Variants in CLVS1 observed in about 807,000 individuals in gnomAD.
CLVS1 encodes clavesin 1, also known as clavesin-1.
Under a neutral mutation model 33.1 loss-of-function variants are expected in CLVS1, and 10 were observed. The ratio of observed to expected loss-of-function variants is 0.30; its 90% CI spans 0.19 to 0.51. The LOEUF (loss-of-function observed/expected upper bound fraction) is 0.51. Ranked by LOEUF, CLVS1 falls within the 20% of genes least tolerant of loss-of-function variation. CLVS1 has a pLI of 0.97. For synonymous variants in CLVS1, 163 were observed against 166.1 expected (o/e 0.98, Z 0.14); for missense variants, 343 against 433.4 (o/e 0.79, Z 1.85).
the CLVS1 span, among the ~76,000 whole-genome samples, chr8:60,991,919 G>A: frequency 9.9e-5 from 15 of 151,936 alleles, no homozygotes; most frequent in African/African-American, 3.4e-4. Flanking sequence ...GCTAATTTTT[G>A]TATTTTTAAG....
intron 1 of CLVS1, among the ~76,000 whole-genome samples, chr8:61,110,178 G>C (rs958175198): frequency 6.6e-6 from 1 of 152,088 alleles, no homozygotes; most frequent in Non-Finnish European, 1.5e-5. Flanking sequence ...CCACCAGTGG[G>C]GTCGGCCTGT....
intron 3 of CLVS1, among the ~76,000 whole-genome samples, chr8:61,404,801 C>G (rs762523483): frequency 2.6e-5 from 4 of 152,172 alleles, no homozygotes; most frequent in Non-Finnish European, 5.9e-5. Context: ...GAATTTGGTA[C>G]TCATCCCTTC....
At chr8:61,426,637 G>T (rs750759678) in intron 3 of CLVS1, among the ~76,000 whole-genome samples, 4 of 152,148 alleles carry the variant, frequency 2.6e-5, no homozygotes, top group Non-Finnish European at 5.9e-5. Context: ...CTTTTGGTCT[G>T]CGGTCCTAGT....
At chr8:61,079,060 C>A (rs1364954693) in intron 1 of CLVS1, among the ~76,000 whole-genome samples, 1 of 152,046 alleles carries the variant, frequency 6.6e-6, no homozygotes, top group Non-Finnish European at 1.5e-5. Flanking sequence ...ACGTCTTTCT[C>A]TGAAAGACGT....
At chr8:61,497,802 C>T (rs916195349) in intron 5 of CLVS1, among the ~76,000 whole-genome samples, 40 of 152,134 alleles carry the variant, frequency 2.6e-4, no homozygotes, top group African/African-American at 6.3e-4. Context: ...CCCATTCTTA[C>T]GGTTATTTCT....
intron 2 of CLVS1, among the ~76,000 whole-genome samples, chr8:61,150,039 C>T (rs1212241832): frequency 6.6e-6 from 1 of 151,554 alleles, no homozygotes; most frequent in East Asian, 1.9e-4. Context: ...GAAAATCCCA[C>T]TTCTGAGTAG....
chr8:61,373,385 C>T (rs1475221854), intron 2 of CLVS1, among the ~76,000 whole-genome samples: 1 of 152,168 alleles, frequency 6.6e-6, no homozygotes, highest in Non-Finnish European at 1.5e-5. Context: ...TACTTTTCTC[C>T]TGGGATCATC....
At chr8:61,232,161 C>T (rs1448133462) in intron 2 of CLVS1, among the ~76,000 whole-genome samples, 5 of 146,738 alleles carry the variant, frequency 3.4e-5, no homozygotes, top group East Asian at 3.9e-4. Flanking sequence ...CAGCCTCCCA[C>T]GTAGCTGGGA....
At chr8:61,348,420 TG>T (rs1215979563) in intron 2 of CLVS1, among the ~76,000 whole-genome samples, 1 of 151,970 alleles carries the variant, frequency 6.6e-6, no homozygotes, top group African/African-American at 2.4e-5. Context: ...ACATGGCACA[TG>T]TATACATATG....
chr8:61,484,629 T>C (rs1401692638), intron 5 of CLVS1, among the ~76,000 whole-genome samples: 11 of 152,212 alleles, frequency 7.2e-5, no homozygotes, highest in Admixed American at 7.2e-4. Flanking sequence ...AGAGACCACA[T>C]TGCCAAGACA....
At chr8:61,014,630 A>G in the CLVS1 span, among the ~76,000 whole-genome samples, 2 of 152,216 alleles carry the variant, frequency 1.3e-5, no homozygotes, top group Non-Finnish European at 2.9e-5. Context: ...CTGATCAGAG[A>G]AAAAAGCGTG....
At chr8:61,058,094 C>A (rs1804512971) in intron 1 of CLVS1, among the ~76,000 whole-genome samples, 2 of 152,168 alleles carry the variant, frequency 1.3e-5, no homozygotes, top group South Asian at 4.1e-4. Context: ...TAGTATATGA[C>A]CAAAGCGTCG....
intron 3 of CLVS1, among the ~76,000 whole-genome samples, chr8:61,417,276 C>T (rs895263456): frequency 2.6e-5 from 4 of 152,238 alleles, no homozygotes; most frequent in Admixed American, 1.3e-4. Context: ...TCCTCCACTC[C>T]GGCCACTTGT....
intron 5 of CLVS1, among the ~76,000 whole-genome samples, chr8:61,460,365 A>T (rs1586006294): frequency 6.6e-6 from 1 of 152,174 alleles, no homozygotes. Flanking sequence ...GAGTGACAAT[A>T]CCAGCCATTT....
intron 2 of CLVS1, among the ~76,000 whole-genome samples, chr8:61,350,881 C>T (rs575591656): frequency 2.0e-5 from 3 of 152,130 alleles, no homozygotes; most frequent in Admixed American, 6.6e-5. Flanking sequence ...GATTATATAC[C>T]GCCACTCTGG....
the CLVS1 span, among the ~76,000 whole-genome samples, chr8:61,000,705 A>G: frequency 6.6e-6 from 1 of 152,298 alleles, no homozygotes; most frequent in Admixed American, 6.5e-5. Context: ...GTAATAACAA[A>G]CCTTGTGGGG....
At chr8:61,483,419 A>G (rs1408269561) in intron 5 of CLVS1, among the ~76,000 whole-genome samples, 1 of 152,240 alleles carries the variant, frequency 6.6e-6, no homozygotes, top group Non-Finnish European at 1.5e-5. Context: ...GAATACACCA[A>G]TAATAGGTTC....
At chr8:61,241,503 T>C (rs1808697482) in intron 2 of CLVS1, among the ~76,000 whole-genome samples, 1 of 152,172 alleles carries the variant, frequency 6.6e-6, no homozygotes, top group Non-Finnish European at 1.5e-5. Flanking sequence ...ACAGTTCACT[T>C]AGGGTTAAAG....
chr8:61,068,037 A>T (rs1804714707), intron 1 of CLVS1, among the ~76,000 whole-genome samples: 1 of 151,446 alleles, frequency 6.6e-6, no homozygotes, highest in Non-Finnish European at 1.5e-5. Flanking sequence ...TTTTAAAAAA[A>T]ATTAGCAGGT....
Sources: gnomAD v4.1 joint callset for allele counts (sites outside exome capture counted in the v4.1 genomes callset) on GRCh38, gnomAD v4.1.1 for gene constraint, MANE v1.5 for transcripts, NCBI Gene and HGNC (gene_info 2026-07-23, HGNC 2026-07-21) for gene names.